Variants in DMD observed in about 807,000 individuals in gnomAD.
DMD encodes mutant dystrophin.
Under a neutral mutation model 330.1 loss-of-function variants are expected in DMD, and 63 were observed. The ratio of observed to expected loss-of-function variants is 0.19; its 90% CI spans 0.16 to 0.24. The LOEUF (loss-of-function observed/expected upper bound fraction) is 0.24. DMD is among the 10% of genes least tolerant of loss of function. The pLI is 1.00. For missense variants in DMD, 3,344 were observed against 2,684.1 expected (o/e 1.25, Z -5.43); for synonymous variants, 1,223 against 959.8 (o/e 1.27, Z -5.07).
intron 2 of DMD, among the ~76,000 whole-genome samples, chrX:33,006,112 T>C (rs943384166): frequency 9.0e-6 from 1 of 111,660 alleles, no homozygotes; most frequent in South Asian, 3.7e-4. Flanking sequence ...AAATGAATGG[T>C]GAAATATTCA....
At chrX:31,249,323 C>T (rs2049123468) in intron 63 of DMD, among the ~76,000 whole-genome samples, 2 of 111,101 alleles carry the variant, frequency 1.8e-5, no homozygotes, top group African/African-American at 6.6e-5. Flanking sequence ...CTCACTGCAA[C>T]CCGTGCCTCC....
intron 1 of DMD, among the ~76,000 whole-genome samples, chrX:33,138,674 T>C (rs2148574141): frequency 9.0e-6 from 1 of 111,524 alleles, no homozygotes; most frequent in East Asian, 2.8e-4. Flanking sequence ...CTTGGAGTAG[T>C]GTTTCCTTTT....
At chrX:31,206,768 T>G in intron 65 of DMD, 101 bp from the exon 66 acceptor site, 1 of 642,595 alleles carries the variant, frequency 1.6e-6, no homozygotes, top group Non-Finnish European at 2.5e-6. Flanking sequence ...AATAAAGGAG[T>G]AAAGTGCTCA....
intron 44 of DMD, among the ~76,000 whole-genome samples, chrX:32,054,751 C>T (rs1410763703): frequency 9.4e-6 from 1 of 106,226 alleles, no homozygotes; most frequent in Non-Finnish European, 1.9e-5. Context: ...TTTTTCATTC[C>T]TTTCTCTATG....
At chrX:31,338,329 AAAAT>A (rs2057524679) in intron 61 of DMD, among the ~76,000 whole-genome samples, 1 of 105,614 alleles carries the variant, frequency 9.5e-6, no homozygotes, top group African/African-American at 3.5e-5. Context: ...AAAAAAAAAA[AAAAT>A]CCAGGCGCGG....
intron 45 of DMD, among the ~76,000 whole-genome samples, chrX:31,939,575 A>G (rs2094965944): frequency 8.9e-6 from 1 of 111,755 alleles, no homozygotes; most frequent in African/African-American, 3.3e-5. Context: ...TCTTAAAATT[A>G]GAACAATAAA....
chrX:31,559,190 T>C (rs993630461), intron 55 of DMD, among the ~76,000 whole-genome samples: 1 of 111,944 alleles, frequency 8.9e-6, no homozygotes, highest in Admixed American at 9.5e-5. Flanking sequence ...TAGTAGGCAA[T>C]TTGCTCATGA....
chrX:32,158,751 G>T (rs1487989680), intron 44 of DMD, among the ~76,000 whole-genome samples: 3 of 111,861 alleles, frequency 2.7e-5, no homozygotes, highest in Non-Finnish European at 5.6e-5. Context: ...TTCAATCTAT[G>T]TGAGAATGAA....
chrX:32,946,168 G>A (rs2090790549), intron 2 of DMD, among the ~76,000 whole-genome samples: 3 of 111,113 alleles, frequency 2.7e-5, no homozygotes, highest in Non-Finnish European at 5.7e-5. Context: ...CAAATGTTTA[G>A]TTCTCTTATT....
chrX:32,500,155 T>A (rs1328986543), intron 19 of DMD, among the ~76,000 whole-genome samples: 1 of 110,913 alleles, frequency 9.0e-6, no homozygotes, highest in Non-Finnish European at 1.9e-5. Flanking sequence ...TGTTCCCTGG[T>A]ATCTGCCAAA....
At chrX:31,599,033 A>T (rs1170842237) in intron 55 of DMD, among the ~76,000 whole-genome samples, 1 of 112,009 alleles carries the variant, frequency 8.9e-6, no homozygotes, top group African/African-American at 3.2e-5. Context: ...GATTTATGCG[A>T]TGTATAGAAA....
intron 59 of DMD, among the ~76,000 whole-genome samples, chrX:31,446,820 C>T (rs2065304659): frequency 8.9e-6 from 1 of 112,003 alleles, no homozygotes; most frequent in African/African-American, 3.2e-5. Context: ...TGGATAATAA[C>T]GTGCATTTCT....
At position 33,107,317 on chromosome X, in the gene DMD, C is replaced by T. The variant is rs1009121444; in HGVS notation, c.32-87117G>A. Among the ~76,000 whole-genome samples the T allele has an allele frequency of 1.4e-4, 11 of 76,430 alleles. 1 individual carries two copies. The highest frequency in any genetic ancestry group is 1.1e-4 in the Non-Finnish European group (4 of 35,905). 66.4% of individuals were successfully genotyped at this position (76,430 alleles called of 115,157 possible). A position where few individuals can be genotyped will look rare whatever the true frequency, so the allele number is the denominator to read the frequency against. On this transcript the variant is annotated intron_variant, in intron 1 of 78. Coordinates refer to ENST00000357033, the MANE Select transcript of DMD (RefSeq NM_004006.3). ...ACAAGAGCGAAGCTCTGTCCCCCCC[C>T]CCCCCCCAACACACACAAAAAAAAC...
intron 50 of DMD, among the ~76,000 whole-genome samples, chrX:31,813,158 C>T (rs760648186): frequency 1.3e-3 from 147 of 112,017 alleles, no homozygotes; most frequent in African/African-American, 4.7e-3. Flanking sequence ...AGAAAGCCTA[C>T]ACATCGGAAG....
At chrX:32,096,227 G>A (rs755683432) in intron 44 of DMD, among the ~76,000 whole-genome samples, 1 of 111,798 alleles carries the variant, frequency 8.9e-6, no homozygotes, top group African/African-American at 3.3e-5. Flanking sequence ...AGAAACAAAA[G>A]TTTCACAAAT....
At chrX:32,563,955 C>G (rs1188756896) in intron 16 of DMD, among the ~76,000 whole-genome samples, 1 of 111,555 alleles carries the variant, frequency 9.0e-6, no homozygotes, top group South Asian at 3.8e-4. Context: ...ATTATTTCAT[C>G]ACCCAGGTAT....
chrX:32,193,417 G>A (rs2096984543), intron 44 of DMD, among the ~76,000 whole-genome samples: 1 of 111,637 alleles, frequency 9.0e-6, no homozygotes, highest in African/African-American at 3.3e-5. Context: ...TCAGGGATTG[G>A]ACGTTCATTC....
intron 2 of DMD, among the ~76,000 whole-genome samples, chrX:32,981,000 A>G (rs2092694309): frequency 9.0e-6 from 1 of 111,607 alleles, no homozygotes; most frequent in Non-Finnish European, 1.9e-5. Flanking sequence ...GCATGAAGCC[A>G]TACCTACTCA....
Position 31,821,015 on chromosome X carries a change from C to T in DMD, c.7201-932G>A, listed in dbSNP as rs781595188. Among the ~76,000 whole-genome samples, 4 of 112,591 alleles carry T rather than the reference C, an allele frequency of 3.6e-5. No homozygotes were observed. In the South Asian group the frequency reaches 1.1e-3, roughly 31 times the overall value. ...CCACTTCACTGGGCAGCTAGCTATA[C>T]GATAATTTATAGCCAGCAGAATGTG... On this transcript the variant is annotated intron_variant, in intron 49 of 78. Transcript: ENST00000357033.
Sources: allele counts gnomAD v4.1 joint callset (sites outside exome capture counted in the v4.1 genomes callset), GRCh38; gene constraint gnomAD v4.1.1; transcripts MANE v1.5; gene names NCBI Gene and HGNC (gene_info 2026-07-23, HGNC 2026-07-21).